Variants in AOAH observed in about 807,000 individuals in gnomAD.
AOAH encodes acyloxyacyl hydrolase, also known as acyloxyacyl hydrolase (neutrophil).
AOAH carries 64 observed loss-of-function variants against 92.2 expected under a neutral mutation model. That is an observed-to-expected ratio of 0.69 (90% CI 0.57 to 0.86). AOAH has a LOEUF of 0.86. Ranked by LOEUF, AOAH falls within the 40% of genes least tolerant of loss-of-function variation. AOAH has a pLI of 0.00. For synonymous variants in AOAH, 263 were observed against 254.5 expected, an observed-to-expected ratio of 1.03 and a Z score of -0.32; for missense variants, 656 against 694.6, an observed-to-expected ratio of 0.94 and a Z score of 0.62.
At chr7:36,556,055 A>G (rs1410584187) in intron 13 of AOAH, among the ~76,000 whole-genome samples, 1 of 151,794 alleles carries the variant, frequency 6.6e-6, no homozygotes, top group Non-Finnish European at 1.5e-5. Context: ...TTGTTTTTCT[A>G]GTTCTTTTAA....
At chr7:36,528,657 G>A (rs1029849219) in intron 19 of AOAH, among the ~76,000 whole-genome samples, 1 of 152,092 alleles carries the variant, frequency 6.6e-6, no homozygotes, top group Admixed American at 6.6e-5. Flanking sequence ...GTTGAGTGAC[G>A]TGATCACAAC....
At chr7:36,550,783 A>G (rs1786174547) in intron 13 of AOAH, among the ~76,000 whole-genome samples, 1 of 152,196 alleles carries the variant, frequency 6.6e-6, no homozygotes, top group Non-Finnish European at 1.5e-5. Flanking sequence ...AGATTCTTCT[A>G]TAACTTCCAG....
At chr7:36,545,692 C>T (rs1785761190) in intron 15 of AOAH, among the ~76,000 whole-genome samples, 1 of 152,180 alleles carries the variant, frequency 6.6e-6, no homozygotes, top group Non-Finnish European at 1.5e-5. Context: ...GTATGAATGC[C>T]ATCTGTCCCA....
At chr7:36,577,437 T>C (rs1788594826) in intron 12 of AOAH, among the ~76,000 whole-genome samples, 1 of 152,156 alleles carries the variant, frequency 6.6e-6, no homozygotes, top group South Asian at 2.1e-4. Flanking sequence ...CCCTGAGAAC[T>C]GGGTGGAGTT....
chr7:36,513,736 A>G (rs1049202452), intron 20 of AOAH, among the ~76,000 whole-genome samples: 3 of 152,196 alleles, frequency 2.0e-5, no homozygotes, highest in African/African-American at 7.2e-5. Flanking sequence ...CTCAACGGGA[A>G]TGAATCTGCC....
chr7:36,547,015 C>T (rs1785850247), intron 15 of AOAH, among the ~76,000 whole-genome samples: 1 of 152,224 alleles, frequency 6.6e-6, no homozygotes, highest in South Asian at 2.1e-4. Context: ...CCTGGTTTGG[C>T]TCCCAGCTTT....
intron 12 of AOAH, among the ~76,000 whole-genome samples, chr7:36,579,336 T>C (rs755276224): frequency 2.0e-5 from 3 of 151,420 alleles, no homozygotes; most frequent in Non-Finnish European, 2.9e-5. Context: ...AGAGGAATAA[T>C]TGGCCAGCCA....
At chr7:36,584,618 A>G (rs888785314) in intron 12 of AOAH, among the ~76,000 whole-genome samples, 1 of 152,096 alleles carries the variant, frequency 6.6e-6, no homozygotes, top group African/African-American at 2.4e-5. Flanking sequence ...TAATTGTGTG[A>G]TTTAATATTT....
chr7:36,706,457 G>A (rs146714034), intron 1 of AOAH, among the ~76,000 whole-genome samples: 219 of 152,228 alleles, frequency 1.4e-3, no homozygotes, highest in African/African-American at 5.1e-3. Flanking sequence ...AAGCAGAGTA[G>A]ATTTAGAAAA....
chr7:36,516,385 C>A lies in AOAH; in HGVS notation c.1600-3005G>T, dbSNP rs185385961. On this transcript the variant is annotated intron_variant, in intron 20 of 20. Coordinates refer to ENST00000617537, the MANE Select transcript of AOAH (RefSeq NM_001637.4). The surrounding 1 kb of genome is among the most constrained non-coding windows in gnomAD (Gnocchi z 5.0). ...AAGCACACAGATACCACACACACCC[C>A]CACAGAAAGCACACAGATACCACAC... Among the ~76,000 whole-genome samples the A allele has an allele frequency of 8.1e-6, 1 of 123,590 alleles. No individual in the cohort carries two copies. Among genetic ancestry groups the A allele is most frequent in the African/African-American group, 3.2e-5 (1 of 31,304 alleles). The allele number at this position is 123,590 out of a possible 152,430, so 81.1% of individuals were successfully genotyped here.
At chr7:36,559,420 AC>A (rs1787094364) in intron 13 of AOAH, among the ~76,000 whole-genome samples, 1 of 151,968 alleles carries the variant, frequency 6.6e-6, no homozygotes, top group Non-Finnish European at 1.5e-5. Flanking sequence ...TTGTTTTCTG[AC>A]TTTGTAATAA....
intron 18 of AOAH, among the ~76,000 whole-genome samples, chr7:36,531,901 T>G (rs1784717192): frequency 6.6e-6 from 1 of 151,728 alleles, no homozygotes; most frequent in Admixed American, 6.6e-5. Context: ...TGTACACACA[T>G]GTGTACACAC....
intron 9 of AOAH, 101 bp downstream of exon 9, chr7:36,620,680 G>T: frequency 8.8e-7 from 1 of 1,138,240 alleles, no homozygotes; most frequent in Non-Finnish European, 1.3e-6. Flanking sequence ...GCTTTAGGCT[G>T]TCATAGTCTT....
In AOAH at chr7:36,621,703, T is replaced by C. The variant is rs199867423; in HGVS notation, c.653+7A>G. 107 of 1,613,846 alleles carry C rather than the reference T, an allele frequency of 6.6e-5. 1 individual carries two copies. The African/African-American group carries it at 1.3e-3, about 20-fold the overall frequency. On this transcript the variant is annotated splice_region_variant and intron_variant, in intron 8 of 20. Transcript: ENST00000617537. ...TTTAAAAATCAGCAACCAGCAGAAA[T>C]AGTTACCTTCTACCTGGGTACACTG... is the stretch of plus-strand genomic sequence containing the variant.
In AOAH at chr7:36,516,108, T is replaced by C. The variant is rs115859832; in HGVS notation, c.1600-2728A>G. Among the ~76,000 whole-genome samples the C allele has an allele frequency of 6.9e-3, 859 of 125,086 alleles. 10 individuals carry two copies. Among genetic ancestry groups the C allele is most frequent in the African/African-American group, 0.025 (821 of 32,638 alleles). The allele number at this position is 125,086 out of a possible 152,430, so 82.1% of individuals were successfully genotyped here. ...ACACACCATACACACACCACACAGA[T>C]ACATCACACACACACCACACACAGA... is the stretch of plus-strand genomic sequence containing the variant. On this transcript the variant is annotated intron_variant, in intron 20 of 20. Transcript: ENST00000617537. This position sits in a 1 kb window ranked among gnomAD's most constrained non-coding sequence, Gnocchi z 5.0.
At chr7:36,671,609 A>G (rs1384976923) in intron 3 of AOAH, among the ~76,000 whole-genome samples, 3 of 150,078 alleles carry the variant, frequency 2.0e-5, no homozygotes, top group South Asian at 4.2e-4. Context: ...GTGTGTGTGT[A>G]TGTGTGTGTG....
intron 3 of AOAH, chr7:36,661,015 C>T (rs1193521085): frequency 6.6e-6 from 1 of 152,222 alleles, no homozygotes; most frequent in Non-Finnish European, 1.5e-5. Context: ...AATCCAGCAA[C>T]ACAGGTTGGT....
At chr7:36,656,494 CGA>C (rs1422928545) in intron 4 of AOAH, among the ~76,000 whole-genome samples, 2 of 151,890 alleles carry the variant, frequency 1.3e-5, no homozygotes, top group African/African-American at 4.8e-5. Flanking sequence ...AGAGAAAGGA[CGA>C]GAGAGAGAGA....
At chr7:36,551,123 G>T (rs1285039475) in intron 13 of AOAH, among the ~76,000 whole-genome samples, 1 of 150,192 alleles carries the variant, frequency 6.7e-6, no homozygotes, top group Admixed American at 6.7e-5. Context: ...GCCCAGGCTG[G>T]AGTGCAGTGG....
Sources: allele counts gnomAD v4.1 joint callset (sites outside exome capture counted in the v4.1 genomes callset), GRCh38; gene constraint gnomAD v4.1.1; non-coding constraint Gnocchi (gnomAD v3.1); transcripts MANE v1.5; gene names NCBI Gene and HGNC (gene_info 2026-07-23, HGNC 2026-07-21).